The following SEMA3D variants were observed in gnomAD, a reference collection of about 807,000 sequenced individuals.
The protein encoded by SEMA3D is semaphorin-3D.
Under a neutral mutation model 100.1 loss-of-function variants are expected in SEMA3D, and 84 were observed. The ratio of observed to expected loss-of-function variants is 0.84; its 90% CI spans 0.70 to 1.01. The LOEUF (loss-of-function observed/expected upper bound fraction) is 1.01. Ranked by LOEUF, SEMA3D falls within the 50% of genes least tolerant of loss-of-function variation. The pLI is 0.00. For missense variants in SEMA3D, 875 were observed against 934.1 expected, an observed-to-expected ratio of 0.94 and a Z score of 0.82; for synonymous variants, 312 against 320.7, an observed-to-expected ratio of 0.97 and a Z score of 0.29.
At chr7:85,083,081 GAATATCTCCTCA>G (rs1788110013) in intron 4 of SEMA3D, among the ~76,000 whole-genome samples, 1 of 152,140 alleles carries the variant, frequency 6.6e-6, no homozygotes, top group Admixed American at 6.5e-5. Flanking sequence ...GGTCTAAAAA[GAATATCTCCTCA>G]AATTGCAAAC....
At chr7:85,080,206 A>C (rs1480035863) in intron 5 of SEMA3D, among the ~76,000 whole-genome samples, 1 of 152,184 alleles carries the variant, frequency 6.6e-6, no homozygotes, top group Non-Finnish European at 1.5e-5. Context: ...AGAAGTCATC[A>C]TTTGAGCAGT....
intron 4 of SEMA3D, 124 bp from the exon 5 acceptor site, chr7:85,081,703 A>G: frequency 3.1e-6 from 2 of 646,772 alleles, no homozygotes; most frequent in Non-Finnish European, 5.3e-6. Flanking sequence ...GTTAGAGTCA[A>G]TGTGGGAAAT....
At chr7:85,181,347 C>A (rs62462213) in intron 1 of SEMA3D, among the ~76,000 whole-genome samples, 264 of 146,180 alleles carry the variant, frequency 1.8e-3, no homozygotes, top group African/African-American at 5.8e-3. Flanking sequence ...CACACACACA[C>A]ACACACACAC....
the SEMA3D span, among the ~76,000 whole-genome samples, chr7:85,239,549 T>C: frequency 6.6e-6 from 1 of 152,184 alleles, no homozygotes; most frequent in South Asian, 2.1e-4. Flanking sequence ...ACACAGAAAG[T>C]CTGCAGAGAC....
chr7:85,107,567 G>A (rs1788967374), intron 3 of SEMA3D, among the ~76,000 whole-genome samples: 2 of 151,992 alleles, frequency 1.3e-5, no homozygotes, highest in Admixed American at 6.6e-5. Context: ...TCTCCCAAGT[G>A]TTGCAGTTTA....
At position 84,999,421 on chromosome 7, in the gene SEMA3D, C is replaced by A. The variant is rs779585863; in HGVS notation, c.*19G>T. 2.7e-5 allele frequency: 44 copies of A among 1,601,634 alleles called. No homozygotes were observed. The Admixed American group carries it at 6.8e-4, about 25-fold the overall frequency. ...GTTTTTATAGGTAAGGAATTCTTTT[C>A]TTTAAATTAAGTAGAAAACTACGTG... On this transcript the variant is annotated 3_prime_UTR_variant, in exon 19 of 19. Transcript: ENST00000284136.
the SEMA3D span, among the ~76,000 whole-genome samples, chr7:85,233,394 G>A: frequency 6.6e-6 from 1 of 152,202 alleles, no homozygotes; most frequent in African/African-American, 2.4e-5. Context: ...GTAGCCTTGA[G>A]TAAGTTTCCA....
the SEMA3D span, among the ~76,000 whole-genome samples, chr7:85,233,480 T>G: frequency 1.3e-5 from 2 of 152,178 alleles, no homozygotes; most frequent in Admixed American, 1.3e-4. Flanking sequence ...CATATGTGAT[T>G]AGGCTAGATA....
the SEMA3D span, among the ~76,000 whole-genome samples, chr7:85,242,392 A>AT: frequency 2.4e-4 from 36 of 152,116 alleles, no homozygotes; most frequent in African/African-American, 7.7e-4. Flanking sequence ...ACTTCTATAC[A>AT]TTTTTTAAAT....
At chr7:85,023,031 T>G (rs116792543) in intron 12 of SEMA3D, among the ~76,000 whole-genome samples, 2,742 of 151,970 alleles carry the variant, frequency 0.018, 83 homozygotes, top group African/African-American at 0.063. Context: ...CCATGTTTAA[T>G]TAAAAAATAA....
At chr7:85,129,126 AGT>A (rs908459607) in intron 2 of SEMA3D, among the ~76,000 whole-genome samples, 19 of 151,944 alleles carry the variant, frequency 1.3e-4, no homozygotes, top group African/African-American at 4.6e-4. Context: ...CCTGGCCTCA[AGT>A]GATCATCCTG....
At chr7:85,139,445 A>T (rs2116457293) in intron 2 of SEMA3D, among the ~76,000 whole-genome samples, 1 of 152,284 alleles carries the variant, frequency 6.6e-6, no homozygotes, top group Admixed American at 6.5e-5. Context: ...CAATGAAAAC[A>T]TCATTTTATA....
intron 2 of SEMA3D, among the ~76,000 whole-genome samples, chr7:85,124,886 C>T (rs969286032): frequency 6.6e-6 from 1 of 152,104 alleles, no homozygotes; most frequent in Non-Finnish European, 1.5e-5. Flanking sequence ...ATGGTCACTT[C>T]GTACTGCCTT....
the SEMA3D span, among the ~76,000 whole-genome samples, chr7:85,209,192 A>G: frequency 0.68 from 102,621 of 151,802 alleles, 35,652 homozygotes; most frequent in East Asian, 0.92. Context: ...TCTGGTATAA[A>G]TGGTAAACTA....
At chr7:85,042,381 C>A in intron 9 of SEMA3D, 96 bp from the exon 10 acceptor site, 2 of 827,668 alleles carry the variant, frequency 2.4e-6, no homozygotes, top group South Asian at 1.6e-5. Context: ...TTATTGATGT[C>A]ATTGTTTACA....
chr7:85,205,800 A>G, the SEMA3D span, among the ~76,000 whole-genome samples: 16 of 152,126 alleles, frequency 1.1e-4, no homozygotes, highest in African/African-American at 3.1e-4. Flanking sequence ...CTTCTTCATT[A>G]AAGTCTGTAA....
intron 17 of SEMA3D, among the ~76,000 whole-genome samples, chr7:85,007,214 CTA>C (rs1420551381): frequency 6.6e-6 from 1 of 151,726 alleles, no homozygotes; most frequent in East Asian, 1.9e-4. Flanking sequence ...ATATCAAACT[CTA>C]TATATTGAGA....
intron 12 of SEMA3D, among the ~76,000 whole-genome samples, chr7:85,024,403 AAAT>A (rs1337937985): frequency 6.6e-6 from 1 of 152,012 alleles, no homozygotes; most frequent in Non-Finnish European, 1.5e-5. Context: ...GTTTTCAAAG[AAAT>A]AATATCATGA....
chr7:85,107,349 T>A (rs186438887), intron 3 of SEMA3D, among the ~76,000 whole-genome samples: 1 of 152,236 alleles, frequency 6.6e-6, no homozygotes, highest in Admixed American at 6.6e-5. Context: ...GCAGAGAATT[T>A]GCATCAGAAC....
Sources: gnomAD v4.1 joint callset for allele counts (sites outside exome capture counted in the v4.1 genomes callset) on GRCh38, gnomAD v4.1.1 for gene constraint, MANE v1.5 for transcripts, NCBI Gene and HGNC (gene_info 2026-07-23, HGNC 2026-07-21) for gene names.